CPLX1: variants seen among roughly 807,000 people sequenced by gnomAD.
The protein encoded by CPLX1 is complexin-1.
In CPLX1, 6 loss-of-function variants were observed where a neutral mutation model predicts 15.6. The observed-to-expected ratio is 0.39, with a 90% CI of 0.21 to 0.76. The LOEUF is 0.76. CPLX1 is among the 30% of genes least tolerant of loss of function. The pLI is 0.43. For missense variants in CPLX1, 242 were observed against 188.6 expected (o/e 1.28, Z -1.66); for synonymous variants, 91 against 75.2 (o/e 1.21, Z -1.08).
intron 2 of CPLX1, among the ~76,000 whole-genome samples, chr4:822,446 C>T (rs1383887599): frequency 2.0e-5 from 3 of 152,142 alleles, no homozygotes; most frequent in East Asian, 1.9e-4. Flanking sequence ...CTGTCTCTGA[C>T]GTGCCGTCTC....
intron 2 of CPLX1, among the ~76,000 whole-genome samples, chr4:824,053 CT>C (rs755944896): frequency 8.5e-5 from 13 of 152,274 alleles, no homozygotes; most frequent in African/African-American, 1.4e-4. Flanking sequence ...ACGCCTGTCC[CT>C]GAGGCTGCCA....
chr4:787,744 T>G (rs1399756182), intron 3 of CPLX1: 4 of 985,068 alleles, frequency 4.1e-6, no homozygotes, highest in Non-Finnish European at 4.8e-6. Flanking sequence ...GGGTTTTGGT[T>G]TCTAGATCAA....
chr4:809,405 G>T (rs1022907440), intron 2 of CPLX1, among the ~76,000 whole-genome samples: 7 of 151,406 alleles, frequency 4.6e-5, no homozygotes, highest in Non-Finnish European at 1.0e-4. Context: ...ACTGAAACGG[G>T]CCCTGTGGCT....
intron 2 of CPLX1, among the ~76,000 whole-genome samples, chr4:794,226 G>A (rs906696105): frequency 6.6e-6 from 1 of 152,258 alleles, no homozygotes; most frequent in Admixed American, 6.5e-5. Context: ...CACTCAGACA[G>A]GGCCATGCCT....
chr4:799,928 A>G (rs570186403), intron 2 of CPLX1, among the ~76,000 whole-genome samples: 1 of 152,286 alleles, frequency 6.6e-6, no homozygotes, highest in South Asian at 2.1e-4. Flanking sequence ...GAATTCTGTG[A>G]GTTGCTCTAG....
intron 1 of CPLX1, chr4:824,835 G>A (rs1169452352): frequency 3.4e-6 from 2 of 585,166 alleles, no homozygotes; most frequent in East Asian, 3.7e-5. Flanking sequence ...CTGCAGGGAG[G>A]GCTGCTGATG....
intron 2 of CPLX1, among the ~76,000 whole-genome samples, chr4:795,309 G>A (rs533781730): frequency 6.6e-6 from 1 of 152,248 alleles, no homozygotes; most frequent in African/African-American, 2.4e-5. Flanking sequence ...GGCGCAGAAC[G>A]GGCGGCCCCG....
At chr4:794,925 T>C (rs1036259157) in intron 2 of CPLX1, among the ~76,000 whole-genome samples, 3 of 152,214 alleles carry the variant, frequency 2.0e-5, no homozygotes, top group Admixed American at 1.3e-4. Context: ...TGCTGCGCTC[T>C]GCTCCAGGGG....
intron 2 of CPLX1, among the ~76,000 whole-genome samples, chr4:822,803 G>A (rs1746897005): frequency 1.3e-5 from 2 of 152,194 alleles, no homozygotes; most frequent in African/African-American, 4.8e-5. Flanking sequence ...GAGGCGCAGA[G>A]GCAGAAAACA....
chr4:808,591 C>T (rs887362768), intron 2 of CPLX1, among the ~76,000 whole-genome samples: 1 of 152,180 alleles, frequency 6.6e-6, no homozygotes, highest in Non-Finnish European at 1.5e-5. Flanking sequence ...AAAGAGTCAG[C>T]GGTTCAGGAG....
chr4:805,568 A>C (rs1746541972), intron 2 of CPLX1, among the ~76,000 whole-genome samples: 1 of 152,224 alleles, frequency 6.6e-6, no homozygotes, highest in Admixed American at 6.5e-5. Flanking sequence ...TTAAACATAG[A>C]ATTGCCATAT....
intron 2 of CPLX1, among the ~76,000 whole-genome samples, chr4:800,273 G>T (rs1257450605): frequency 1.3e-5 from 2 of 152,150 alleles, no homozygotes; most frequent in Non-Finnish European, 2.9e-5. Context: ...ATCTTCAAAA[G>T]ACACTGTCTT....
At position 824,359 on chromosome 4, in the gene CPLX1, C is replaced by A; in HGVS notation, c.31+133G>T. 12 of 813,430 alleles carry A rather than the reference C, an allele frequency of 1.5e-5. No homozygotes were observed. The South Asian group carries it at 1.8e-4, about 12-fold the overall frequency. 50.4% of individuals were successfully genotyped at this position (813,430 alleles called of 1,614,324 possible). A position where few individuals can be genotyped will look rare whatever the true frequency, so the allele number is the denominator to read the frequency against. ...ACGGTCCTTGCTCCTCTGCCCCAGG[C>A]TCCTGTGCAGGGCTGCGTGGGTGGC... On this transcript the variant is annotated intron_variant, in intron 2 of 3. Coordinates refer to ENST00000304062, the MANE Select transcript of CPLX1 (RefSeq NM_006651.4).
chr4:792,715 T>G, intron 2 of CPLX1, 107 bp from the exon 3 acceptor site: 1 of 1,247,092 alleles, frequency 8.0e-7, no homozygotes, highest in South Asian at 1.5e-5. Context: ...AAACCCTCCA[T>G]CCACTCGACC....
chr4:787,576 C>T (rs542203060), intron 3 of CPLX1: 14 of 739,314 alleles, frequency 1.9e-5, no homozygotes, highest in African/African-American at 7.8e-5. Flanking sequence ...GGCGGGCATA[C>T]GAAAGCGGAG....
chr4:787,180 C>T (rs1363357091), intron 3 of CPLX1: 2 of 985,310 alleles, frequency 2.0e-6, no homozygotes, highest in African/African-American at 1.7e-5. Context: ...TGGATGCGGC[C>T]GCGGCCCCAG....
At chr4:798,787 A>C (rs1746397440) in intron 2 of CPLX1, among the ~76,000 whole-genome samples, 1 of 152,238 alleles carries the variant, frequency 6.6e-6, no homozygotes, top group African/African-American at 2.4e-5. Flanking sequence ...CTGACACTTT[A>C]TATAAAAATG....
intron 2 of CPLX1, among the ~76,000 whole-genome samples, chr4:800,891 C>A (rs1033496877): frequency 8.7e-5 from 13 of 150,088 alleles, no homozygotes; most frequent in East Asian, 1.9e-4. Context: ...GTGACGGGCA[C>A]CCGTAATCCC....
intron 2 of CPLX1, among the ~76,000 whole-genome samples, chr4:815,695 G>C (rs1379848630): frequency 6.6e-6 from 1 of 152,224 alleles, no homozygotes; most frequent in East Asian, 1.9e-4. Flanking sequence ...ATCTTGTTCA[G>C]TCTCAGCTGC....
Sources: allele counts gnomAD v4.1 joint callset (sites outside exome capture counted in the v4.1 genomes callset), GRCh38; gene constraint gnomAD v4.1.1; transcripts MANE v1.5; gene names NCBI Gene and HGNC (gene_info 2026-07-23, HGNC 2026-07-21).